Variants in BAIAP2 observed in about 807,000 individuals in gnomAD.
BAIAP2 encodes the protein BAR/IMD domain-containing adapter protein 2.
Under a neutral mutation model 63.0 loss-of-function variants are expected in BAIAP2, and 18 were observed. That is an observed-to-expected ratio of 0.29 (90% CI 0.20 to 0.42). The LOEUF (loss-of-function observed/expected upper bound fraction) is 0.42. Ranked by LOEUF, BAIAP2 falls within the 10% of genes least tolerant of loss-of-function variation. BAIAP2 has a pLI of 1.00. For missense variants in BAIAP2, 610 were observed against 734.3 expected (o/e 0.83, Z 1.96); for synonymous variants, 386 against 307.6 (o/e 1.25, Z -2.67).
intron 3 of BAIAP2, among the ~76,000 whole-genome samples, chr17:81,075,791 G>A (rs551053542): frequency 1.2e-4 from 18 of 152,242 alleles, no homozygotes; most frequent in Admixed American, 5.9e-4. Context: ...CCTCCCCTCC[G>A]TGGGCACATT....
intron 1 of BAIAP2, chr17:81,053,331 C>T (rs1041237557): frequency 5.3e-5 from 15 of 281,444 alleles, no homozygotes; most frequent in Admixed American, 1.0e-4. Flanking sequence ...CCAATGGGAA[C>T]GGCACCTCGG....
At chr17:81,067,916 G>T (rs1281319612) in intron 3 of BAIAP2, among the ~76,000 whole-genome samples, 1 of 152,224 alleles carries the variant, frequency 6.6e-6, no homozygotes, top group Non-Finnish European at 1.5e-5. Context: ...GGGAAAGAGA[G>T]GAGCCGCTCA....
rs534241047 is a variant in BAIAP2 at position 81,096,543 on chromosome 17, G to C, written c.490-3385G>C. 5.4e-5 allele frequency among the ~76,000 whole-genome samples: 8 copies of C among 147,096 alleles called. No individual in the cohort carries two copies. The East Asian group carries it at 1.4e-3, about 26-fold the overall frequency. On this transcript the variant is annotated intron_variant, in intron 6 of 13. Transcript: ENST00000428708. The stretch of plus-strand genomic sequence containing the variant: ...CGGCCTTGGAACAGGCCTGGGTGTT[G>C]GTCTGAGTGGTGTTGCAGGGGCATG...
intron 13 of BAIAP2, among the ~76,000 whole-genome samples, chr17:81,113,632 C>T (rs116397826): frequency 0.015 from 2,350 of 152,224 alleles, 63 homozygotes; most frequent in African/African-American, 0.053. Flanking sequence ...CCCCCCTGCC[C>T]CCGTCAGGCT....
At chr17:81,071,965 C>A (rs767146364) in intron 3 of BAIAP2, among the ~76,000 whole-genome samples, 28 of 152,358 alleles carry the variant, frequency 1.8e-4, no homozygotes, top group Non-Finnish European at 1.6e-4. Context: ...CCTCTCCTCT[C>A]GTCCGTGATC....
chr17:81,042,135 CTTTTTTCTTTTTTTT>C (rs2047164531), intron 1 of BAIAP2, among the ~76,000 whole-genome samples: 1 of 105,250 alleles, frequency 9.5e-6, no homozygotes, highest in Non-Finnish European at 1.8e-5. Context: ...TTTTTCTTTT[CTTTTTTCTTTTTTTT>C]TTTTTTTTGG....
At chr17:81,108,842 C>A in intron 13 of BAIAP2, 1 of 1,404,938 alleles carries the variant, frequency 7.1e-7, no homozygotes, top group Non-Finnish European at 9.4e-7. Flanking sequence ...TGTCCTGGGT[C>A]TTCCTGGAGG....
chr17:81,090,356 C>T (rs1330418404), intron 6 of BAIAP2, among the ~76,000 whole-genome samples: 3 of 152,132 alleles, frequency 2.0e-5, no homozygotes, highest in Admixed American at 1.3e-4. Flanking sequence ...CCTGGACGGA[C>T]CTCCGCCTCT....
intron 2 of BAIAP2, among the ~76,000 whole-genome samples, chr17:81,055,574 G>GTTTTTTGTTTTTT (rs370775327): frequency 8.1e-6 from 1 of 123,406 alleles, no homozygotes; most frequent in Non-Finnish European, 1.7e-5. Flanking sequence ...AGGGTGTTTT[G>GTTTTTTGTTTTTT]TTTTTTTTTG....
At chr17:81,042,397 C>T (rs1018631685) in intron 1 of BAIAP2, among the ~76,000 whole-genome samples, 6 of 151,926 alleles carry the variant, frequency 3.9e-5, no homozygotes, top group African/African-American at 1.2e-4. Context: ...CTCAAGCAGT[C>T]CTCCCACCTT....
chr17:81,110,292 G>A (rs1336877646), intron 13 of BAIAP2: 3 of 986,062 alleles, frequency 3.0e-6, no homozygotes, highest in East Asian at 2.3e-4. Context: ...ACCGGGCCCT[G>A]TGTAGAGACC....
At chr17:81,080,996 G>A (rs1007190727) in intron 3 of BAIAP2, among the ~76,000 whole-genome samples, 4 of 152,248 alleles carry the variant, frequency 2.6e-5, no homozygotes, top group African/African-American at 9.6e-5. Context: ...GGTGCGTGTG[G>A]ACACTCCGGG....
Position 81,099,937 on chromosome 17 carries a change from G to A in BAIAP2, c.499G>A (p.Ala167Thr), listed in dbSNP as rs374731577. 22 of 1,613,000 alleles carry A rather than the reference G, an allele frequency of 1.4e-5. No homozygotes were observed. The highest frequency in any genetic ancestry group is 4.4e-5 in the South Asian group (4 of 91,046). The change falls in exon 7 of 14, where the codon GCC (alanine) becomes ACC (threonine). Residue 167 changes from alanine to threonine, a missense_variant. Transcript: ENST00000428708. ...CCCTTTCCCTCCACAGTACATCGAC[G>A]CCATCAGCAACAAGCAGGGCGAGCT... is the stretch of plus-strand genomic sequence containing the variant. ...YSDKELQYIDAISNKQGELEN... is the reference protein window; with the variant it reads ...YSDKELQYIDTISNKQGELEN...
intron 3 of BAIAP2, among the ~76,000 whole-genome samples, chr17:81,065,223 C>T (rs2051253407): frequency 1.3e-5 from 2 of 152,174 alleles, no homozygotes; most frequent in South Asian, 4.1e-4. Context: ...ACTCAGTGTC[C>T]CTGTGGCCCA....
rs374586268 is a variant in BAIAP2, at chr17:81,086,619, C to T, written c.489+39C>T. ...CCCCGCTGTGGTGCCTCTCCTGCCA[C>T]CTTGGGACTGCTCACCCCTCGGCCC... On this transcript the variant is annotated intron_variant, in intron 6 of 13. Transcript: ENST00000428708. The T allele has an allele frequency of 2.0e-5, 32 of 1,609,372 alleles. No homozygotes were observed. The African/African-American group carries it at 4.0e-4, about 20-fold the overall frequency.
chr17:81,110,294 G>A (rs1371673862), intron 13 of BAIAP2: 1 of 986,344 alleles, frequency 1.0e-6, no homozygotes, highest in South Asian at 4.7e-5. Flanking sequence ...CGGGCCCTGT[G>A]TAGAGACCCT....
chr17:81,109,638 G>T (rs2146091961), intron 13 of BAIAP2: 1 of 985,406 alleles, frequency 1.0e-6, no homozygotes, highest in East Asian at 1.1e-4. Flanking sequence ...TGTGAGGGAG[G>T]CCGGGCCCGG....
chr17:81,115,950 C>T lies in BAIAP2; in HGVS notation c.*111C>T. ...GTAGAGAACATCCAGGCCCCGGCTG[C>T]CTGGTCTTGCCCCACTTGAGTCTGG... On this transcript the variant is annotated 3_prime_UTR_variant, in exon 14 of 14. Coordinates refer to ENST00000428708, the MANE Select transcript of BAIAP2 (RefSeq NM_001144888.2). The T allele has an allele frequency of 1.3e-6, 2 of 1,531,410 alleles. No individual in the cohort carries two copies. The highest frequency in any genetic ancestry group is 2.4e-5 in the South Asian group (2 of 84,266). 94.9% of individuals were successfully genotyped at this position (1,531,410 alleles called of 1,614,324 possible).
At position 81,057,971 on chromosome 17, in the gene BAIAP2, AGAC is replaced by A; in HGVS notation, c.217+5_217+7del. 5 of 664,798 alleles carry A rather than the reference AGAC, an allele frequency of 7.5e-6. No individual in the cohort carries two copies. Among genetic ancestry groups the A allele is most frequent in the Non-Finnish European group, 1.1e-5 (5 of 462,414 alleles). The allele number at this position is 664,798 out of a possible 1,614,324, so 41.2% of individuals were successfully genotyped here. On this transcript the variant is annotated splice_donor_5th_base_variant and intron_variant, in intron 3 of 13. Transcript: ENST00000428708. ...AGCCAGGGCTCCAAAGAACTCGGTG[AGAC>A]CCCCCCCCCCCCCCCGCCTGGTAGT...
Sources: gnomAD v4.1 joint callset for allele counts (sites outside exome capture counted in the v4.1 genomes callset) on GRCh38, gnomAD v4.1.1 for gene constraint, MANE v1.5 for transcripts, NCBI Gene and HGNC (gene_info 2026-07-23, HGNC 2026-07-21) for gene names.